The following TYW1B variants were observed in gnomAD, a reference collection of about 807,000 sequenced individuals.
TYW1B encodes tRNA-yW synthesizing protein 1 homolog B, also known as S-adenosyl-L-methionine-dependent tRNA 4-demethylwyosine synthase TYW1B.
A neutral mutation model predicts 86.9 loss-of-function variants in TYW1B; 73 were observed. The observed-to-expected ratio is 0.84, with a 90% CI of 0.70 to 1.02. The LOEUF is 1.02. Among genes scored for constraint, TYW1B ranks in the 50% least tolerant of loss-of-function variants. The pLI is 0.00. For missense variants in TYW1B, 637 were observed against 827.4 expected (o/e 0.77, Z 2.82); for synonymous variants, 248 against 292.8 (o/e 0.85, Z 1.56).
At chr7:72,632,283 G>GCGTATATATATATATATATATATTA (rs1563038307) in intron 11 of TYW1B, among the ~76,000 whole-genome samples, 1 of 54,164 alleles carries the variant, frequency 1.8e-5, no homozygotes, top group African/African-American at 1.6e-4. Context: ...ATATATATAC[G>GCGTATATATATATATATATATATTA]TGTATATATA....
chr7:72,639,318 CA>C (rs1203427431), intron 11 of TYW1B, among the ~76,000 whole-genome samples: 5 of 151,728 alleles, frequency 3.3e-5, no homozygotes, highest in Non-Finnish European at 5.9e-5. Context: ...ACTGGTGCAT[CA>C]CCATACCCAG....
rs560090708 is a variant in TYW1B at position 72,723,690 on chromosome 7, C to T, written c.1192+5132G>A. On this transcript the variant is annotated intron_variant, in intron 9 of 13. Transcript: ENST00000620995. ...TTGAAAGGCTGAGACAGGAGGACTG[C>T]TTGAGCCCAGGAGGTTGAGGCTGCA... 5.9e-5 allele frequency among the ~76,000 whole-genome samples: 9 copies of T among 152,288 alleles called. No individual in the cohort carries two copies. In the South Asian group the frequency reaches 1.9e-3, roughly 32 times the overall value.
At chr7:72,639,799 G>A (rs1812760432) in intron 11 of TYW1B, among the ~76,000 whole-genome samples, 1 of 151,176 alleles carries the variant, frequency 6.6e-6, no homozygotes, top group Admixed American at 6.6e-5. Context: ...TCAGGAGGCA[G>A]AGGCTGCAGT....
At chr7:72,693,428 T>TTTTTTTTTTC (rs1554450785) in intron 11 of TYW1B, among the ~76,000 whole-genome samples, 1 of 150,414 alleles carries the variant, frequency 6.6e-6, no homozygotes, top group South Asian at 2.1e-4. Context: ...TTTTTTTTTT[T>TTTTTTTTTTC]AGATAGGGGT....
chr7:72,782,870 C>T (rs1788071773), intron 6 of TYW1B, among the ~76,000 whole-genome samples: 1 of 151,956 alleles, frequency 6.6e-6, no homozygotes, highest in South Asian at 2.1e-4. Flanking sequence ...GACTCTGTCT[C>T]AAAGAAAAGA....
intron 12 of TYW1B, among the ~76,000 whole-genome samples, chr7:72,626,186 C>T (rs1277308627): frequency 2.0e-5 from 3 of 151,208 alleles, no homozygotes; most frequent in Non-Finnish European, 4.4e-5. Flanking sequence ...TAAAATGTTA[C>T]GTACTCAGAC....
At chr7:72,673,186 C>T (rs1248737957) in intron 11 of TYW1B, among the ~76,000 whole-genome samples, 5 of 152,154 alleles carry the variant, frequency 3.3e-5, no homozygotes, top group Non-Finnish European at 5.9e-5. Context: ...AAAAGATCCA[C>T]AAATAACTAC....
intron 7 of TYW1B, among the ~76,000 whole-genome samples, chr7:72,758,550 G>A (rs536964863): frequency 1.3e-5 from 2 of 152,072 alleles, no homozygotes; most frequent in South Asian, 4.2e-4. Context: ...ACTAAGAATT[G>A]CTGATTCTTG....
intron 10 of TYW1B, chr7:72,697,761 C>G (rs1469294144): frequency 1.3e-5 from 2 of 152,176 alleles, no homozygotes; most frequent in African/African-American, 4.8e-5. Context: ...CAACCTTAAG[C>G]CCAATCCTCT....
At chr7:72,777,588 C>A in intron 6 of TYW1B, 55 bp from the exon 7 acceptor site, 1 of 1,597,564 alleles carries the variant, frequency 6.3e-7, no homozygotes, top group East Asian at 2.2e-5. Context: ...ATGTAAATAA[C>A]AGCACAATCA....
At chr7:72,693,998 TCACCCAGG>T (rs1334951433) in intron 11 of TYW1B, among the ~76,000 whole-genome samples, 6 of 152,106 alleles carry the variant, frequency 3.9e-5, no homozygotes, top group African/African-American at 1.4e-4. Context: ...TCTCACTCTG[TCACCCAGG>T]CTGCAGTGCA....
chr7:72,601,664 T>C (rs1811670138), intron 13 of TYW1B, among the ~76,000 whole-genome samples: 1 of 142,856 alleles, frequency 7.0e-6, no homozygotes, highest in Non-Finnish European at 1.5e-5. Context: ...ATCCACACAA[T>C]GGGAGTTTTA....
chr7:72,674,067 C>G (rs1226605819), intron 11 of TYW1B, among the ~76,000 whole-genome samples: 2 of 152,162 alleles, frequency 1.3e-5, no homozygotes, highest in East Asian at 3.9e-4. Context: ...AGATGGCTTG[C>G]TAGGACACTG....
At chr7:72,746,393 A>G (rs1246167889) in intron 7 of TYW1B, among the ~76,000 whole-genome samples, 1 of 152,212 alleles carries the variant, frequency 6.6e-6, no homozygotes, top group Non-Finnish European at 1.5e-5. Context: ...TGAAAACCGA[A>G]ATGTCCAACA....
chr7:72,645,626 A>G (rs556587947), intron 11 of TYW1B, among the ~76,000 whole-genome samples: 1 of 152,360 alleles, frequency 6.6e-6, no homozygotes, highest in African/African-American at 2.4e-5. Flanking sequence ...AGCTGCACAC[A>G]TCATGGATGA....
chr7:72,602,287 G>A (rs1811684711), intron 13 of TYW1B, among the ~76,000 whole-genome samples: 1 of 152,134 alleles, frequency 6.6e-6, no homozygotes, highest in Non-Finnish European at 1.5e-5. Context: ...GTCGAATAGT[G>A]AAGTAAATGG....
chr7:72,766,256 C>T (rs1554468319), intron 7 of TYW1B, among the ~76,000 whole-genome samples: 1 of 152,190 alleles, frequency 6.6e-6, no homozygotes, highest in African/African-American at 2.4e-5. Context: ...CCTAGATTCA[C>T]GACTCAAAGC....
At chr7:72,708,724 T>G (rs1462229756) in intron 10 of TYW1B, among the ~76,000 whole-genome samples, 1 of 152,186 alleles carries the variant, frequency 6.6e-6, no homozygotes, top group Non-Finnish European at 1.5e-5. Context: ...TAGAAAACTT[T>G]TTCTTTCTGT....
intron 11 of TYW1B, among the ~76,000 whole-genome samples, chr7:72,691,756 T>C (rs1474615614): frequency 1.3e-5 from 2 of 152,196 alleles, no homozygotes; most frequent in African/African-American, 4.8e-5. Context: ...TTTGCATTTC[T>C]TAAATAACAT....
Sources: gnomAD v4.1 joint callset for allele counts (sites outside exome capture counted in the v4.1 genomes callset) on GRCh38, gnomAD v4.1.1 for gene constraint, MANE v1.5 for transcripts, NCBI Gene and HGNC (gene_info 2026-07-23, HGNC 2026-07-21) for gene names.